BNC2: variants seen among roughly 807,000 people sequenced by gnomAD.
BNC2 encodes basonuclin zinc finger protein 2, also known as zinc finger protein basonuclin-2.
BNC2 carries 20 observed loss-of-function variants against 76.3 expected under a neutral mutation model. That is an observed-to-expected ratio of 0.26 (90% CI 0.18 to 0.38). The LOEUF is 0.38. Ranked by LOEUF, BNC2 falls within the 10% of genes least tolerant of loss-of-function variation. The pLI is 1.00. For missense variants in BNC2, 1,382 were observed against 1,399.8 expected (o/e 0.99, Z 0.20); for synonymous variants, 582 against 514.8 (o/e 1.13, Z -1.77).
chr9:16,587,672 T>C (rs978920656), intron 3 of BNC2, among the ~76,000 whole-genome samples: 2 of 152,204 alleles, frequency 1.3e-5, no homozygotes, highest in Non-Finnish European at 2.9e-5. Context: ...TTCTGCCTAC[T>C]AGAGTAGAAA....
At chr9:16,641,722 A>G (rs7341714) in intron 3 of BNC2, among the ~76,000 whole-genome samples, 1 of 152,332 alleles carries the variant, frequency 6.6e-6, no homozygotes, top group African/African-American at 2.4e-5. Context: ...CAATGGGGGC[A>G]TATGGATTAA....
intron 5 of BNC2, among the ~76,000 whole-genome samples, chr9:16,463,446 G>A (rs1166036566): frequency 2.7e-5 from 4 of 147,150 alleles, no homozygotes; most frequent in Admixed American, 6.7e-5. Flanking sequence ...ACAGGCGCCC[G>A]CCACTACGCC....
chr9:16,498,389 T>G (rs1486541498), intron 5 of BNC2, among the ~76,000 whole-genome samples: 1 of 150,960 alleles, frequency 6.6e-6, no homozygotes, highest in Non-Finnish European at 1.5e-5. Flanking sequence ...GATTGGAGAC[T>G]ACTATCCAAA....
At chr9:16,796,651 GAA>G (rs10710681) in intron 1 of BNC2, among the ~76,000 whole-genome samples, 2 of 145,586 alleles carry the variant, frequency 1.4e-5, no homozygotes, top group South Asian at 2.1e-4. Flanking sequence ...AAAGGAAAGA[GAA>G]AAAAAAAGAA....
At chr9:16,427,717 T>C (rs373729316) in intron 6 of BNC2, among the ~76,000 whole-genome samples, 9 of 152,310 alleles carry the variant, frequency 5.9e-5, no homozygotes, top group African/African-American at 1.7e-4. Flanking sequence ...GAATTTCACC[T>C]TGGGTGCTCT....
intron 1 of BNC2, among the ~76,000 whole-genome samples, chr9:16,801,100 A>C (rs1817768524): frequency 6.6e-6 from 1 of 152,186 alleles, no homozygotes; most frequent in Non-Finnish European, 1.5e-5. Context: ...CAAGACTTCA[A>C]AATCCAAAGT....
chr9:16,766,336 A>T (rs1388986649), intron 1 of BNC2, among the ~76,000 whole-genome samples: 1 of 152,086 alleles, frequency 6.6e-6, no homozygotes, highest in Non-Finnish European at 1.5e-5. Context: ...GGGAATCCTC[A>T]TTCTGCAGCT....
chr9:16,453,972 A>G (rs1169587817), intron 5 of BNC2, among the ~76,000 whole-genome samples: 1 of 152,196 alleles, frequency 6.6e-6, no homozygotes, highest in Admixed American at 6.5e-5. Context: ...CTTAGCTTTC[A>G]GTGAACACAC....
In BNC2 at chr9:16,766,665, C is replaced by A. The variant is rs1013636946; in HGVS notation, c.4-28180G>T. ...ATACCTTGGTCTTTACTTCTCCAGA[C>A]CACAAAAATTAGTTCATTTCTCAAA... On this transcript the variant is annotated intron_variant, in intron 1 of 6. Transcript: ENST00000380672. Among the ~76,000 whole-genome samples, 30 of 152,210 alleles carry A rather than the reference C, an allele frequency of 2.0e-4. 1 individual carries two copies. Among genetic ancestry groups the A allele is most frequent in the Middle Eastern group, 3.2e-3 (1 of 316 alleles).
intron 4 of BNC2, among the ~76,000 whole-genome samples, chr9:16,556,782 T>A (rs911750862): frequency 6.0e-5 from 8 of 133,660 alleles, no homozygotes; most frequent in African/African-American, 1.7e-4. Context: ...AAAAAAAAAA[T>A]TAAACTGCCT....
At chr9:16,816,788 A>C (rs771925625) in intron 1 of BNC2, among the ~76,000 whole-genome samples, 27 of 152,198 alleles carry the variant, frequency 1.8e-4, no homozygotes, top group Non-Finnish European at 3.4e-4. Flanking sequence ...ATGTAGTCTT[A>C]CATGTGCGGT....
At chr9:16,427,734 G>T (rs1820829112) in intron 6 of BNC2, among the ~76,000 whole-genome samples, 1 of 152,166 alleles carries the variant, frequency 6.6e-6, no homozygotes, top group Admixed American at 6.5e-5. Context: ...CTCTGAGGTT[G>T]CCAATTCCAT....
At chr9:16,503,475 A>G (rs781192960) in intron 5 of BNC2, among the ~76,000 whole-genome samples, 2 of 152,092 alleles carry the variant, frequency 1.3e-5, no homozygotes, top group African/African-American at 4.8e-5. Flanking sequence ...TACAAAATAC[A>G]TGGGCCCAAA....
intron 3 of BNC2, among the ~76,000 whole-genome samples, chr9:16,681,742 A>G (rs921047980): frequency 6.6e-6 from 1 of 152,196 alleles, no homozygotes; most frequent in African/African-American, 2.4e-5. Context: ...GCTGCAGTGT[A>G]TGTACATTTT....
At chr9:16,583,784 G>C (rs1819693029) in intron 3 of BNC2, among the ~76,000 whole-genome samples, 1 of 151,990 alleles carries the variant, frequency 6.6e-6, no homozygotes, top group Non-Finnish European at 1.5e-5. Context: ...ATCAGACATG[G>C]AACAGAAAAA....
chr9:16,594,785 C>A (rs1454509376), intron 3 of BNC2, among the ~76,000 whole-genome samples: 1 of 152,028 alleles, frequency 6.6e-6, no homozygotes, highest in African/African-American at 2.4e-5. Context: ...ATGGCCACAG[C>A]TACTAATCCA....
chr9:16,598,266 GCAGATAAAGCTT>G (rs1236215793), intron 3 of BNC2, among the ~76,000 whole-genome samples: 4 of 152,040 alleles, frequency 2.6e-5, no homozygotes, highest in Admixed American at 1.3e-4. Context: ...AAAAATAAAA[GCAGATAAAGCTT>G]TTAAGTGGAC....
At chr9:16,702,359 T>C (rs1392072453) in intron 3 of BNC2, among the ~76,000 whole-genome samples, 4 of 152,102 alleles carry the variant, frequency 2.6e-5, no homozygotes, top group Non-Finnish European at 5.9e-5. Flanking sequence ...TTAGAAAAGA[T>C]TATACAAAAG....
intron 1 of BNC2, among the ~76,000 whole-genome samples, chr9:16,759,706 A>G (rs1024944258): frequency 1.4e-5 from 2 of 146,682 alleles, no homozygotes; most frequent in African/African-American, 5.0e-5. Context: ...GAATACCTCA[A>G]TTTTTGGAGA....
Sources: allele counts gnomAD v4.1 joint callset (sites outside exome capture counted in the v4.1 genomes callset), GRCh38; gene constraint gnomAD v4.1.1; transcripts MANE v1.5; gene names NCBI Gene and HGNC (gene_info 2026-07-23, HGNC 2026-07-21).